PFKP: variants seen among roughly 807,000 people sequenced by gnomAD.
The protein encoded by PFKP is ATP-dependent 6-phosphofructokinase, platelet type.
A neutral mutation model predicts 94.3 loss-of-function variants in PFKP; 101 were observed. The observed-to-expected ratio is 1.07, with a 90% CI of 0.91 to 1.26. The LOEUF is 1.26. Ranked by LOEUF, PFKP falls within the 50% of genes most tolerant of loss-of-function variation. The pLI is 0.00. For missense variants in PFKP, 1,145 were observed against 1,103.3 expected (o/e 1.04, Z -0.53); for synonymous variants, 573 against 432.6 (o/e 1.32, Z -4.03).
intron 2 of PFKP, among the ~76,000 whole-genome samples, chr10:3,091,678 G>A (rs1466176461): frequency 1.3e-5 from 2 of 152,086 alleles, no homozygotes; most frequent in African/African-American, 4.8e-5. Context: ...AGCTGGGCGT[G>A]GTGTAATCCT....
chr10:3,134,553 C>T lies in PFKP; in HGVS notation c.2093C>T (p.Thr698Ile), dbSNP rs754878348. 4.3e-6 allele frequency: 7 copies of T among 1,613,874 alleles called. No individual in the cohort carries two copies. In the South Asian group the frequency reaches 7.7e-5, roughly 18 times the overall value. Residue 698 changes from threonine to isoleucine, a missense_variant, in exon 20 of 22, where the codon ACT (threonine) becomes ATT (isoleucine). Thr to Ile is a moderately conservative substitution (Grantham distance 89, BLOSUM62 -1). Around this residue, in one of 3 missense-constraint regions of PFKP, gnomAD observed 1,119 missense variants for 1,062.8 expected, o/e 1.05. Transcript: ENST00000381125. ...KISARAMEWI[T>I]AKLKEARGRG... ...TCTGCCAGAGCTATGGAGTGGATCA[C>T]TGCAAAACTCAAGGAGGCCCGGGGC...
Position 3,133,988 on chromosome 10 carries a change from A to C in PFKP, c.2023-495A>C, listed in dbSNP as rs188180997. ...CAGAATGACCTGGAATGAGCTGCAC[A>C]CAGGCACACACGTGTTATGAGCTGA... On this transcript the variant is annotated intron_variant, in intron 19 of 21. Transcript: ENST00000381125. Among the ~76,000 whole-genome samples the C allele has an allele frequency of 9.8e-5, 15 of 152,348 alleles. No individual in the cohort carries two copies. The East Asian group carries it at 2.9e-3, about 29-fold the overall frequency.
At chr10:3,118,500 T>G (rs1363600660) in intron 14 of PFKP, among the ~76,000 whole-genome samples, 1 of 152,204 alleles carries the variant, frequency 6.6e-6, no homozygotes, top group Non-Finnish European at 1.5e-5. Context: ...TATAACTTCT[T>G]AATTTTATTT....
rs758569927 is a variant in PFKP, at chr10:3,116,789, G to C, written c.1385G>C (p.Gly462Ala). The C allele has an allele frequency of 6.2e-7, 1 of 1,613,634 alleles. No homozygotes were observed. The highest frequency in any genetic ancestry group is 2.2e-5 in the East Asian group (1 of 44,878). Residue 462 changes from glycine to alanine, a missense_variant, in exon 14 of 22, where the codon GGC becomes GCC. Gly to Ala is a moderately conservative substitution (Grantham distance 60, BLOSUM62 0). This residue lies in a region of PFKP where 1,119 missense variants were observed against 1,062.8 expected (regional missense o/e 1.05). Coordinates refer to ENST00000381125, the MANE Select transcript of PFKP (RefSeq NM_002627.5). ...TTTGCACATTAGATCAAAGAAATCG[G>C]CTGGACAGATGTCGGGGGCTGGACC... ...GFAKGQIKEI[G>A]WTDVGGWTGQ... is the part of the protein sequence containing the mutation.
At chr10:3,134,706 C>T (rs1050444277) in intron 20 of PFKP, 124 bp downstream of exon 20, 155 of 636,206 alleles carry the variant, frequency 2.4e-4, no homozygotes, top group Middle Eastern at 4.4e-4. Context: ...CTGAGCTGCA[C>T]GTGATGTTTT....
At chr10:3,074,278 G>A (rs1832417911) in intron 1 of PFKP, among the ~76,000 whole-genome samples, 1 of 152,222 alleles carries the variant, frequency 6.6e-6, no homozygotes, top group Non-Finnish European at 1.5e-5. Context: ...CGACGTGCCT[G>A]TAGCCTGACC....
At position 3,098,680 on chromosome 10, in the gene PFKP, A is replaced by C. The variant is rs1310512764; in HGVS notation, c.187-595A>C. On this transcript the variant is annotated intron_variant, in intron 2 of 21. Transcript: ENST00000381125. ...AGAGTGAGACTCCGTCTCAAAAAAA[A>C]AAAAAAAAAAGGTAATTGTCCTTGG... 1.5e-4 allele frequency among the ~76,000 whole-genome samples: 23 copies of C among 151,878 alleles called. 2 individuals carry two copies. The East Asian group carries it at 3.9e-3, about 26-fold the overall frequency.
At chr10:3,110,898 T>TTGTGTGCATGCATGTTTGTACG (rs2131592931) in intron 10 of PFKP, among the ~76,000 whole-genome samples, 1 of 151,038 alleles carries the variant, frequency 6.6e-6, no homozygotes, top group East Asian at 2.0e-4. Context: ...GTGTGCATGT[T>TTGTGTGCATGCATGTTTGTACG]TGTGTGCATG....
chr10:3,095,235 C>CG (rs1183588901), intron 2 of PFKP, among the ~76,000 whole-genome samples: 2 of 151,416 alleles, frequency 1.3e-5, no homozygotes, highest in Non-Finnish European at 1.5e-5. Context: ...GAGAAAGCCA[C>CG]CCATAGGTGA....
At chr10:3,074,613 C>T (rs183101129) in intron 1 of PFKP, among the ~76,000 whole-genome samples, 1 of 152,316 alleles carries the variant, frequency 6.6e-6, no homozygotes, top group African/African-American at 2.4e-5. Context: ...CAAGGGGACC[C>T]AGAGACTTGA....
chr10:3,101,096 C>A, intron 3 of PFKP: 2 of 1,000,862 alleles, frequency 2.0e-6, no homozygotes, highest in South Asian at 1.3e-5. Flanking sequence ...GTTCCTGCTC[C>A]ATGTATTTAA....
chr10:3,067,807 CG>C (rs1476212595), intron 1 of PFKP, 100 bp downstream of exon 1: 34 of 473,522 alleles, frequency 7.2e-5, no homozygotes, highest in African/African-American at 6.9e-4. Flanking sequence ...AGGGGGGAAG[CG>C]ATGGGGGGGA....
Position 3,104,326 on chromosome 10 carries a change from C to T in PFKP, c.620+382C>T, listed in dbSNP as rs545303717. Among the ~76,000 whole-genome samples the T allele has an allele frequency of 9.2e-5, 14 of 152,318 alleles. No homozygotes were observed. The East Asian group carries it at 1.4e-3, about 15-fold the overall frequency. On this transcript the variant is annotated intron_variant, in intron 5 of 21. Transcript: ENST00000381125. ...CTGCCCTGTGTAACCTACGGATTCA[C>T]GAAGTGTCGTGGGGGCCACAGCGTT...
At chr10:3,076,339 C>T (rs552898283) in intron 1 of PFKP, among the ~76,000 whole-genome samples, 54 of 152,272 alleles carry the variant, frequency 3.5e-4, no homozygotes, top group African/African-American at 1.2e-3. Flanking sequence ...CGACACTGTC[C>T]CAGCCACGCA....
chr10:3,113,189 G>A lies in PFKP; in HGVS notation c.1224+1G>A. On this transcript the variant is annotated splice_donor_variant, in intron 12 of 21. Transcript: ENST00000381125. LOFTEE classifies it high-confidence loss of function. ...GCTGCCGGATGATCAGATCCCAAAG[G>A]TAGGTGGCCGGCCTCCCGCGATGCC... 2 of 1,610,944 alleles carry A rather than the reference G, an allele frequency of 1.2e-6. No individual in the cohort carries two copies. Among genetic ancestry groups the A allele is most frequent in the Non-Finnish European group, 1.7e-6 (2 of 1,178,656 alleles).
intron 1 of PFKP, among the ~76,000 whole-genome samples, chr10:3,071,085 C>T (rs973045091): frequency 6.6e-6 from 1 of 152,022 alleles, no homozygotes; most frequent in Non-Finnish European, 1.5e-5. Context: ...AGGGACCTTT[C>T]TTGGTGAAGC....
chr10:3,128,354 CCT>C (rs1426101713), intron 16 of PFKP, among the ~76,000 whole-genome samples: 2 of 152,134 alleles, frequency 1.3e-5, no homozygotes, highest in African/African-American at 4.8e-5. Context: ...TCCGAGAGCC[CCT>C]GACAGAGGGA....
intron 10 of PFKP, among the ~76,000 whole-genome samples, chr10:3,110,380 T>G (rs1262811476): frequency 6.8e-6 from 1 of 146,694 alleles, no homozygotes; most frequent in Admixed American, 6.8e-5. Flanking sequence ...TTTTTTTTTT[T>G]TTTTTTTTTG....
chr10:3,083,386 A>G (rs1382527982), intron 2 of PFKP, among the ~76,000 whole-genome samples: 1 of 141,498 alleles, frequency 7.1e-6, no homozygotes, highest in Non-Finnish European at 1.6e-5. Flanking sequence ...AATTATTAGG[A>G]AAAATATTTA....
Sources: allele counts gnomAD v4.1 joint callset (sites outside exome capture counted in the v4.1 genomes callset), GRCh38; gene constraint gnomAD v4.1.1; regional missense constraint gnomAD v4.1.1; transcripts MANE v1.5; gene names NCBI Gene and HGNC (gene_info 2026-07-23, HGNC 2026-07-21).